Variants in NKAIN2 observed in about 807,000 individuals in gnomAD.
NKAIN2 encodes the protein sodium/potassium transporting ATPase interacting 2, also known as sodium/potassium-transporting ATPase subunit beta-1-interacting protein 2.
NKAIN2 carries 14 observed loss-of-function variants against 32.6 expected under a neutral mutation model. That is an observed-to-expected ratio of 0.43 (90% CI 0.28 to 0.67). The LOEUF (loss-of-function observed/expected upper bound fraction) is 0.67, where lower values mean the gene tolerates loss of function less well. Ranked by LOEUF, NKAIN2 falls within the 30% of genes least tolerant of loss-of-function variation. The probability of loss-of-function intolerance (pLI) is 0.17; values close to 1 mark genes in which losing one functional copy is unlikely to be tolerated. For missense variants in NKAIN2, 198 were observed against 258.3 expected, an observed-to-expected ratio of 0.77 and a Z score of 1.60; for synonymous variants, 80 against 87.2, an observed-to-expected ratio of 0.92 and a Z score of 0.46.
intron 3 of NKAIN2, among the ~76,000 whole-genome samples, chr6:124,612,867 T>C (rs1356901864): frequency 6.6e-6 from 1 of 152,162 alleles, no homozygotes; most frequent in East Asian, 1.9e-4. Flanking sequence ...TTATCTATTA[T>C]TTGCATGAGA....
chr6:124,247,788 A>C (rs933980936), intron 1 of NKAIN2, among the ~76,000 whole-genome samples: 3 of 152,154 alleles, frequency 2.0e-5, no homozygotes, highest in Non-Finnish European at 4.4e-5. Context: ...TGGGAAACTA[A>C]CATAAATATA....
At chr6:123,953,074 T>C (rs189179424) in intron 1 of NKAIN2, among the ~76,000 whole-genome samples, 1 of 152,294 alleles carries the variant, frequency 6.6e-6, no homozygotes, top group African/African-American at 2.4e-5. Context: ...ATTGGTTGGG[T>C]AGGGCACTTT....
intron 1 of NKAIN2, among the ~76,000 whole-genome samples, chr6:124,193,038 C>T (rs184074862): frequency 2.9e-4 from 44 of 152,258 alleles, no homozygotes; most frequent in African/African-American, 9.1e-4. Flanking sequence ...CGTGAGCTAC[C>T]GCGCCCAGCC....
At chr6:124,355,678 T>G (rs1320156082) in intron 3 of NKAIN2, among the ~76,000 whole-genome samples, 1 of 152,180 alleles carries the variant, frequency 6.6e-6, no homozygotes, top group Non-Finnish European at 1.5e-5. Context: ...TGAAATCACT[T>G]AGTTTGCTTA....
At chr6:124,237,940 A>C (rs1051659829) in intron 1 of NKAIN2, among the ~76,000 whole-genome samples, 2 of 152,138 alleles carry the variant, frequency 1.3e-5, no homozygotes, top group Admixed American at 6.6e-5. Flanking sequence ...TTGAGGTGTC[A>C]TGAGGGCATC....
intron 1 of NKAIN2, among the ~76,000 whole-genome samples, chr6:123,971,421 T>C (rs1452184347): frequency 6.6e-6 from 1 of 152,164 alleles, no homozygotes; most frequent in Non-Finnish European, 1.5e-5. Context: ...TTTTGTTCTT[T>C]CTTTTTGCAC....
chr6:124,545,667 A>T (rs2114854716), intron 3 of NKAIN2, among the ~76,000 whole-genome samples: 1 of 151,430 alleles, frequency 6.6e-6, no homozygotes, highest in Admixed American at 6.6e-5. Flanking sequence ...ATATATATAT[A>T]ATATTTATTA....
chr6:124,817,794 A>G (rs1444994122), intron 5 of NKAIN2, among the ~76,000 whole-genome samples: 1 of 152,178 alleles, frequency 6.6e-6, no homozygotes, highest in Admixed American at 6.5e-5. Flanking sequence ...CTAAGTATGT[A>G]TTGAATTTGA....
At chr6:124,538,772 G>T (rs987299661) in intron 3 of NKAIN2, among the ~76,000 whole-genome samples, 3 of 151,968 alleles carry the variant, frequency 2.0e-5, no homozygotes, top group Admixed American at 6.6e-5. Context: ...ATATTGCAGG[G>T]CTATATTCTA....
intron 4 of NKAIN2, among the ~76,000 whole-genome samples, chr6:124,742,600 T>C (rs568866522): frequency 3.9e-5 from 6 of 152,014 alleles, no homozygotes; most frequent in Admixed American, 3.9e-4. Context: ...ATAATAAATA[T>C]ATATTGGTTC....
chr6:124,156,542 A>G (rs1253736734), intron 1 of NKAIN2, among the ~76,000 whole-genome samples: 1 of 152,124 alleles, frequency 6.6e-6, no homozygotes. Flanking sequence ...TAGAAATGAA[A>G]AGAAGTTCAG....
chr6:124,313,313 C>CT (rs760075430), intron 2 of NKAIN2, among the ~76,000 whole-genome samples: 61 of 151,654 alleles, frequency 4.0e-4, no homozygotes, highest in African/African-American at 4.6e-4. Context: ...GTGGAAACAT[C>CT]TTTTTTTTTA....
At chr6:123,997,839 G>C (rs980517341) in intron 1 of NKAIN2, among the ~76,000 whole-genome samples, 1 of 151,920 alleles carries the variant, frequency 6.6e-6, no homozygotes, top group African/African-American at 2.4e-5. Context: ...TTCTGACCTC[G>C]TGATCCTCCC....
At chr6:123,974,993 C>A (rs1397200) in intron 1 of NKAIN2, among the ~76,000 whole-genome samples, 47,676 of 151,948 alleles carry the variant, frequency 0.31, 7,634 homozygotes, top group South Asian at 0.46. Context: ...ATTTTCTGGA[C>A]CTGAATCCAT....
chr6:124,070,107 A>T (rs2114877654), intron 1 of NKAIN2, among the ~76,000 whole-genome samples: 1 of 152,262 alleles, frequency 6.6e-6, no homozygotes, highest in South Asian at 2.1e-4. Context: ...TGCAGTTAAA[A>T]GTTTACATCT....
intron 2 of NKAIN2, among the ~76,000 whole-genome samples, chr6:124,307,765 G>A (rs1272790652): frequency 6.6e-6 from 1 of 152,060 alleles, no homozygotes; most frequent in Non-Finnish European, 1.5e-5. Context: ...ATGAAAGCAA[G>A]AGCTAGCAAT....
At chr6:124,263,503 C>G (rs1794344820) in intron 1 of NKAIN2, among the ~76,000 whole-genome samples, 1 of 152,172 alleles carries the variant, frequency 6.6e-6, no homozygotes, top group Non-Finnish European at 1.5e-5. Context: ...CTATATTTCT[C>G]CTGTCAACTG....
chr6:124,526,028 G>C lies in NKAIN2; in HGVS notation c.274-132158G>C, dbSNP rs116623480. Among the ~76,000 whole-genome samples the C allele has an allele frequency of 9.2e-3, 1,404 of 152,272 alleles. 24 individuals carry two copies. The highest frequency in any genetic ancestry group is 0.032 in the African/African-American group (1,312 of 41,544). ...GTATATTGATGATGAGATGGATCAG[G>C]CTTACCTGAGAGGTAAATTTCAATT... On this transcript the variant is annotated intron_variant, in intron 3 of 6. Coordinates refer to ENST00000368417, the MANE Select transcript of NKAIN2 (RefSeq NM_001040214.3).
intron 3 of NKAIN2, among the ~76,000 whole-genome samples, chr6:124,363,589 A>G (rs1489679971): frequency 6.6e-6 from 1 of 152,260 alleles, no homozygotes; most frequent in Admixed American, 6.5e-5. Flanking sequence ...ATGCCAAATT[A>G]GTTTGAAGAC....
Sources: gnomAD v4.1 joint callset for allele counts (sites outside exome capture counted in the v4.1 genomes callset) on GRCh38, gnomAD v4.1.1 for gene constraint, MANE v1.5 for transcripts, NCBI Gene and HGNC (gene_info 2026-07-23, HGNC 2026-07-21) for gene names.